Variants in ZNF385D observed in about 807,000 individuals in gnomAD.
ZNF385D encodes zinc finger protein 659.
In ZNF385D, 15 loss-of-function variants were observed where a neutral mutation model predicts 35.8. That is an observed-to-expected ratio of 0.42 (90% CI 0.28 to 0.64). ZNF385D has a LOEUF of 0.64. Ranked by LOEUF, ZNF385D falls within the 30% of genes least tolerant of loss-of-function variation. The pLI, the probability that ZNF385D is intolerant of heterozygous loss-of-function variation, is 0.23. For synonymous variants in ZNF385D, 212 were observed against 186.8 expected (o/e 1.13, Z -1.10); for missense variants, 474 against 494.6 (o/e 0.96, Z 0.39).
chr3:21,799,610 A>G (rs182431644), intron 3 of ZNF385D, among the ~76,000 whole-genome samples: 1 of 152,078 alleles, frequency 6.6e-6, no homozygotes, highest in East Asian at 1.9e-4. Flanking sequence ...TTATTTTTCA[A>G]TTGGATTGTT....
intron 3 of ZNF385D, among the ~76,000 whole-genome samples, chr3:22,043,579 T>C (rs1161920710): frequency 7.9e-5 from 12 of 152,158 alleles, no homozygotes; most frequent in Non-Finnish European, 1.8e-4. Context: ...AGGCTGAGGA[T>C]GTACAGTATA....
intron 3 of ZNF385D, among the ~76,000 whole-genome samples, chr3:22,159,055 G>T (rs142301079): frequency 6.6e-6 from 1 of 151,934 alleles, no homozygotes; most frequent in Non-Finnish European, 1.5e-5. Flanking sequence ...GTCGGTGGAC[G>T]TGATTAGTAA....
chr3:22,088,924 A>C (rs1701179346), intron 3 of ZNF385D, among the ~76,000 whole-genome samples: 1 of 152,196 alleles, frequency 6.6e-6, no homozygotes, highest in African/African-American at 2.4e-5. Context: ...ATGAAAAAAA[A>C]CTGAGCAATC....
chr3:21,843,851 C>T (rs1169336245), intron 3 of ZNF385D, among the ~76,000 whole-genome samples: 1 of 151,946 alleles, frequency 6.6e-6, no homozygotes, highest in East Asian at 1.9e-4. Context: ...GAGAACATTT[C>T]ATTCTTTTAT....
chr3:22,271,305 T>A (rs1349812104), intron 2 of ZNF385D, among the ~76,000 whole-genome samples: 3 of 151,922 alleles, frequency 2.0e-5, no homozygotes, highest in East Asian at 3.9e-4. Flanking sequence ...AAGAAAAAGA[T>A]GTTGGAGAAG....
intron 3 of ZNF385D, among the ~76,000 whole-genome samples, chr3:22,123,986 A>ATATATG (rs753742081): frequency 0.021 from 2,520 of 121,482 alleles, 55 homozygotes; most frequent in Non-Finnish European, 0.025. Context: ...ATATATATAT[A>ATATATG]TATTGCTGAC....
At chr3:21,501,198 G>C (rs1706334355) in intron 4 of ZNF385D, among the ~76,000 whole-genome samples, 1 of 141,746 alleles carries the variant, frequency 7.1e-6, no homozygotes, top group Admixed American at 6.8e-5. Flanking sequence ...TTTTGCCTTT[G>C]GAGACCCACT....
rs547916747 is a variant in ZNF385D, at chr3:22,185,050, C to T, written c.107-16015G>A. Among the ~76,000 whole-genome samples the T allele has an allele frequency of 2.0e-5, 3 of 152,134 alleles. No individual in the cohort carries two copies. In the East Asian group the frequency reaches 5.8e-4, roughly 29 times the overall value. On this transcript the variant is annotated intron_variant, in intron 2 of 5. Transcript: ENST00000494108. The stretch of plus-strand genomic sequence containing the variant: ...AATGCTGAAATCAGGAGATACCTTG[C>T]TGTACATTGGATATTGTTATTTACT...
intron 2 of ZNF385D, among the ~76,000 whole-genome samples, chr3:22,188,513 G>A (rs141838477): frequency 5.4e-4 from 82 of 151,690 alleles, no homozygotes; most frequent in African/African-American, 1.9e-3. Context: ...CCAGTGGCGC[G>A]ATCTCTGCTC....
Position 22,200,868 on chromosome 3 carries a change from A to C in ZNF385D, c.107-31833T>G, listed in dbSNP as rs190137894. Among the ~76,000 whole-genome samples the C allele has an allele frequency of 2.8e-3, 424 of 152,242 alleles. 1 individual carries two copies. The highest frequency in any genetic ancestry group is 1.0e-2 in the African/African-American group (415 of 41,564). Reference sequence around the variant, plus strand: ...AAGAAGAGAAATATGGCTCTGTTCCACCTGGCTCACCAGCGGTCAGAGTGT... The same window carrying C: ...AAGAAGAGAAATATGGCTCTGTTCCCCCTGGCTCACCAGCGGTCAGAGTGT... On this transcript the variant is annotated intron_variant, in intron 2 of 5. Coordinates refer to the ZNF385D transcript ENST00000494108.
intron 1 of ZNF385D, among the ~76,000 whole-genome samples, chr3:21,708,924 C>G (rs2068002697): frequency 6.6e-6 from 1 of 151,998 alleles, no homozygotes; most frequent in African/African-American, 2.4e-5. Flanking sequence ...AATGTCCTTA[C>G]TAAAACTTAA....
At chr3:21,922,134 T>C (rs187714750) in intron 3 of ZNF385D, among the ~76,000 whole-genome samples, 10 of 145,818 alleles carry the variant, frequency 6.9e-5, no homozygotes, top group African/African-American at 2.1e-4. Flanking sequence ...AAAGAAATCA[T>C]AGATAACATG....
chr3:21,965,029 T>A (rs1166686683), intron 3 of ZNF385D, among the ~76,000 whole-genome samples: 1 of 152,134 alleles, frequency 6.6e-6, no homozygotes, highest in Non-Finnish European at 1.5e-5. Flanking sequence ...GGCAGCATAA[T>A]TAATATTAAA....
intron 3 of ZNF385D, among the ~76,000 whole-genome samples, chr3:21,908,918 A>G (rs1699826966): frequency 6.6e-6 from 1 of 152,082 alleles, no homozygotes; most frequent in South Asian, 2.1e-4. Flanking sequence ...ATTTTTTTCA[A>G]TGTGTTAGCT....
chr3:21,658,554 CT>C (rs2066141286), intron 2 of ZNF385D, among the ~76,000 whole-genome samples: 2 of 151,696 alleles, frequency 1.3e-5, no homozygotes, highest in African/African-American at 4.8e-5. Context: ...TTTTTCCTGT[CT>C]TTTTATTTAT....
At chr3:22,358,607 TGAG>T (rs531651717) in intron 2 of ZNF385D, among the ~76,000 whole-genome samples, 35 of 151,792 alleles carry the variant, frequency 2.3e-4, no homozygotes, top group African/African-American at 7.7e-4. Flanking sequence ...CCTTTTGAGA[TGAG>T]GAGATTTGAA....
chr3:22,228,228 G>T (rs1320705003), intron 2 of ZNF385D, among the ~76,000 whole-genome samples: 1 of 152,180 alleles, frequency 6.6e-6, no homozygotes, highest in Non-Finnish European at 1.5e-5. Context: ...GAGATGTAAT[G>T]CTAATAAAGG....
intron 3 of ZNF385D, among the ~76,000 whole-genome samples, chr3:21,812,828 C>T (rs182436419): frequency 7.9e-5 from 12 of 152,328 alleles, no homozygotes; most frequent in African/African-American, 2.9e-4. Context: ...CCCTGTCTGA[C>T]AGCTTTGAAG....
intron 3 of ZNF385D, among the ~76,000 whole-genome samples, chr3:21,977,376 C>A (rs1378796076): frequency 1.3e-5 from 2 of 152,038 alleles, no homozygotes; most frequent in Admixed American, 1.3e-4. Context: ...TGGTGGTTGT[C>A]TAGGGGGTTC....
Sources: allele counts gnomAD v4.1 joint callset (sites outside exome capture counted in the v4.1 genomes callset), GRCh38; gene constraint gnomAD v4.1.1; transcripts MANE v1.5; gene names NCBI Gene and HGNC (gene_info 2026-07-23, HGNC 2026-07-21).